Variants in AGO2 observed in about 807,000 individuals in gnomAD.
AGO2 encodes protein argonaute-2.
Under a neutral mutation model 102.3 loss-of-function variants are expected in AGO2, and 5 were observed. The ratio of observed to expected loss-of-function variants is 0.05; its 90% confidence interval spans 0.03 to 0.10. The LOEUF (loss-of-function observed/expected upper bound fraction) is 0.10. Among genes scored for constraint, AGO2 ranks in the 10% least tolerant of loss-of-function variants. The probability of loss-of-function intolerance (pLI) is 1.00; values close to 1 mark genes in which losing one functional copy is unlikely to be tolerated. For synonymous variants in AGO2, 449 were observed against 473.1 expected (o/e 0.95, Z 0.66); for missense variants, 541 against 1,183.7 (o/e 0.46, Z 7.97).
At chr8:140,584,002 C>T (rs1260113339) in intron 2 of AGO2, among the ~76,000 whole-genome samples, 2 of 152,168 alleles carry the variant, frequency 1.3e-5, no homozygotes, top group African/African-American at 4.8e-5. Flanking sequence ...ACTGGCCAAA[C>T]GTTGTCATGC....
intron 6 of AGO2, among the ~76,000 whole-genome samples, chr8:140,558,980 A>AG (rs1372691491): frequency 1.3e-5 from 2 of 152,142 alleles, no homozygotes; most frequent in Non-Finnish European, 2.9e-5. Context: ...GGTAAGTCCT[A>AG]GACCCCCCCC....
intron 1 of AGO2, among the ~76,000 whole-genome samples, chr8:140,617,265 T>C (rs1283025586): frequency 1.4e-5 from 2 of 147,744 alleles, no homozygotes; most frequent in Admixed American, 1.4e-4. Flanking sequence ...AGCACCACTC[T>C]TTTTTTTTTT....
chr8:140,551,099 T>C (rs1294356634), intron 11 of AGO2, among the ~76,000 whole-genome samples: 1 of 151,982 alleles, frequency 6.6e-6, no homozygotes, highest in Non-Finnish European at 1.5e-5. Context: ...GTCCCAGGAG[T>C]GAGAGGGGCA....
intron 1 of AGO2, among the ~76,000 whole-genome samples, chr8:140,625,711 T>C (rs997196948): frequency 3.9e-5 from 6 of 152,184 alleles, no homozygotes; most frequent in African/African-American, 1.2e-4. Flanking sequence ...CCAGATCCTG[T>C]GTTCACCTGC....
In AGO2 at chr8:140,596,795, C is replaced by T. The variant is rs141039228; in HGVS notation, c.23-11484G>A. Among the ~76,000 whole-genome samples, 151 of 152,226 alleles carry T rather than the reference C, an allele frequency of 9.9e-4. 1 individual carries two copies. The highest frequency in any genetic ancestry group is 3.5e-3 in the African/African-American group (144 of 41,534). On this transcript the variant is annotated intron_variant, in intron 1 of 18. Coordinates refer to ENST00000220592, the MANE Select transcript of AGO2 (RefSeq NM_012154.5). ...TGCAGGCTGGGAGGAGTCGGTGGAG[C>T]AGCAGGGGAGAGGCAAGTGGCCGGG...
In AGO2 at chr8:140,560,471, T is replaced by A. The variant is rs1285667710; in HGVS notation, c.558A>T (p.Glu186Asp). The A allele has an allele frequency of 6.2e-7, 1 of 1,614,154 alleles. No homozygotes were observed. The highest frequency in any genetic ancestry group is 1.3e-5 in the African/African-American group (1 of 75,058). The change falls in exon 5 of 19, where the codon GAA (glutamate) becomes GAT (aspartate). Residue 186 changes from glutamate to aspartate, a missense_variant. Glu to Asp is a conservative substitution (Grantham distance 45). Around this residue, in one of 6 missense-constraint regions of AGO2, gnomAD observed 26 missense variants for 52.0 expected, o/e 0.50. Transcript: ENST00000220592. ...CCCCGCCAAGAGGGTTAGAGCAGCCTTCGGACGCGGTGAAGAAGGAGCGGC... is the reference window on the plus strand; with the variant it reads ...CCCCGCCAAGAGGGTTAGAGCAGCCATCGGACGCGGTGAAGAAGGAGCGGC... ...PVGRSFFTAS[E>D]GCSNPLGGGR...
chr8:140,534,055 T>TAA (rs2072650061), intron 17 of AGO2, among the ~76,000 whole-genome samples: 2 of 152,210 alleles, frequency 1.3e-5, no homozygotes, highest in African/African-American at 2.4e-5. Flanking sequence ...CCACCTGCTC[T>TAA]GTGTCTAGCC....
At chr8:140,558,804 G>A (rs541471994) in intron 6 of AGO2, among the ~76,000 whole-genome samples, 14 of 152,328 alleles carry the variant, frequency 9.2e-5, no homozygotes, top group African/African-American at 3.1e-4. Context: ...AGAGCATGGG[G>A]TGTCCACCCT....
At chr8:140,558,828 GC>G (rs375145157) in intron 6 of AGO2, among the ~76,000 whole-genome samples, 1 of 152,158 alleles carries the variant, frequency 6.6e-6, no homozygotes, top group Non-Finnish European at 1.5e-5. Flanking sequence ...GCTGTTCTGC[GC>G]CCCCCATGGG....
intron 1 of AGO2, among the ~76,000 whole-genome samples, chr8:140,606,957 C>A (rs935501538): frequency 2.1e-5 from 3 of 145,436 alleles, no homozygotes; most frequent in African/African-American, 5.1e-5. Context: ...ATAATAAATT[C>A]TATAATTTAA....
intron 10 of AGO2, among the ~76,000 whole-genome samples, chr8:140,552,765 CA>C (rs2073024702): frequency 6.7e-6 from 1 of 149,984 alleles, no homozygotes. Context: ...CACACACACA[CA>C]CACACACTCT....
chr8:140,562,703 T>G (rs2073223306), intron 3 of AGO2, 69 bp from the exon 4 acceptor site: 1 of 1,550,704 alleles, frequency 6.4e-7, no homozygotes. Flanking sequence ...AGCCTGGCAG[T>G]GGTTGGCTTC....
chr8:140,577,225 A>AG lies in AGO2; in HGVS notation c.216-4294_216-4293insC, dbSNP rs1252727702. Among the ~76,000 whole-genome samples the AG allele has an allele frequency of 3.3e-4, 50 of 151,494 alleles. 1 individual carries two copies. Among genetic ancestry groups the AG allele is most frequent in the African/African-American group, 1.2e-3 (49 of 41,384 alleles). On this transcript the variant is annotated intron_variant, in intron 2 of 18. Coordinates refer to ENST00000220592, the MANE Select transcript of AGO2 (RefSeq NM_012154.5). ...TCCATCTCAAAAAAAAAAAAAAAAA[A>AG]AAAGAAACATGCCTGGGGAACGAAG...
At chr8:140,599,735 T>TC (rs1034063816) in intron 1 of AGO2, among the ~76,000 whole-genome samples, 17 of 152,220 alleles carry the variant, frequency 1.1e-4, no homozygotes, top group Admixed American at 3.3e-4. Context: ...TGTTTGTTTT[T>TC]CCCCGAGACA....
intron 16 of AGO2, among the ~76,000 whole-genome samples, chr8:140,537,442 T>C (rs563655096): frequency 7.1e-4 from 108 of 152,012 alleles, no homozygotes; most frequent in African/African-American, 2.0e-3. Context: ...GCTGGGACCA[T>C]AGGCGTATGC....
intron 1 of AGO2, among the ~76,000 whole-genome samples, chr8:140,618,954 T>G (rs2074179422): frequency 6.6e-6 from 1 of 152,242 alleles, no homozygotes; most frequent in Non-Finnish European, 1.5e-5. Context: ...AAAGAACAGT[T>G]TTTTTAAAAA....
chr8:140,640,879 A>G, the AGO2 span, among the ~76,000 whole-genome samples: 1 of 152,210 alleles, frequency 6.6e-6, no homozygotes, highest in African/African-American at 2.4e-5. Context: ...ATGCTGCCAC[A>G]AATTGTTTAA....
At chr8:140,638,457 T>A (rs1202790688), upstream of AGO2, among the ~76,000 whole-genome samples, 1 of 152,172 alleles carries the variant, frequency 6.6e-6, no homozygotes. Context: ...ATGCAACCTG[T>A]CCCAAACCCA....
chr8:140,571,396 G>C (rs1402690231), intron 3 of AGO2, among the ~76,000 whole-genome samples: 1 of 152,256 alleles, frequency 6.6e-6, no homozygotes, highest in Non-Finnish European at 1.5e-5. Flanking sequence ...CCACTCTGGA[G>C]GCTGACGTGG....
Sources: gnomAD v4.1 joint callset for allele counts (sites outside exome capture counted in the v4.1 genomes callset) on GRCh38, gnomAD v4.1.1 for gene constraint, gnomAD v4.1.1 regional missense constraint, MANE v1.5 for transcripts, NCBI Gene and HGNC (gene_info 2026-07-23, HGNC 2026-07-21) for gene names.